The following SNX10 variants were observed in gnomAD, a reference collection of about 807,000 sequenced individuals.
SNX10 encodes the protein sorting nexin 10, also known as sorting nexin-10.
SNX10 carries 25 observed loss-of-function variants against 28.5 expected under a neutral mutation model. The ratio of observed to expected loss-of-function variants is 0.88; its 90% confidence interval spans 0.64 to 1.22. The LOEUF is 1.22. SNX10 is among the 50% of genes most tolerant of loss of function. SNX10 has a pLI of 0.00. For missense variants in SNX10, 223 were observed against 242.6 expected, an observed-to-expected ratio of 0.92 and a Z score of 0.54; for synonymous variants, 62 against 81.4, an observed-to-expected ratio of 0.76 and a Z score of 1.28.
At chr7:26,301,018 CCAAAAAAAAAA>C (rs1318160015) in intron 1 of SNX10, among the ~76,000 whole-genome samples, 2 of 63,912 alleles carry the variant, frequency 3.1e-5, no homozygotes, top group East Asian at 7.4e-4. Flanking sequence ...TACTCTGTCT[CCAAAAAAAAAA>C]AAAAAAAAAA....
intron 1 of SNX10, among the ~76,000 whole-genome samples, chr7:26,299,225 T>G (rs1232225913): frequency 6.6e-6 from 1 of 152,102 alleles, no homozygotes; most frequent in Non-Finnish European, 1.5e-5. Flanking sequence ...AGATGGAGTC[T>G]CGCTCTGTTG....
chr7:26,339,768 C>T (rs12673873), intron 1 of SNX10, among the ~76,000 whole-genome samples: 16,820 of 150,996 alleles, frequency 0.11, 1,041 homozygotes, highest in East Asian at 0.16. Flanking sequence ...GGTGGAGTCT[C>T]GAACTCCTGA....
At chr7:26,372,307 G>A (rs966305717) in intron 6 of SNX10, 184 bp from the exon 7 acceptor site, 21 of 603,928 alleles carry the variant, frequency 3.5e-5, no homozygotes, top group Admixed American at 1.8e-4. Flanking sequence ...TGAATTATTC[G>A]CGTTTAAATT....
intron 1 of SNX10, among the ~76,000 whole-genome samples, chr7:26,307,027 A>C (rs549371879): frequency 2.6e-5 from 4 of 152,316 alleles, no homozygotes; most frequent in African/African-American, 9.6e-5. Context: ...TGCTCACTTT[A>C]GGGGGGCATT....
intron 1 of SNX10, among the ~76,000 whole-genome samples, chr7:26,306,744 A>G (rs922270169): frequency 5.9e-5 from 9 of 152,178 alleles, no homozygotes; most frequent in Non-Finnish European, 2.9e-5. Context: ...ATCATGAGGA[A>G]GGCACCTCAG....
In SNX10 at chr7:26,371,989, T is replaced by G; in HGVS notation, c.480T>G (p.Asp160Glu). ...TGAATAGACGTTTCCCTGAAGAAGA[T>G]GAAGAAGGAAAAAAAGAAAATGATA... Reference protein sequence around the residue: ...ALMNRRFPEEDEEGKKENDID... With the variant: ...ALMNRRFPEEEEEGKKENDID... The change falls in exon 6 of 7, where the codon GAT becomes GAG. Residue 160 changes from aspartate to glutamate, a missense_variant. Coordinates refer to ENST00000338523, the MANE Select transcript of SNX10 (RefSeq NM_013322.3). 6.2e-7 allele frequency: 1 copy of G among 1,612,792 alleles called. No homozygotes were observed. Among genetic ancestry groups the G allele is most frequent in the Non-Finnish European group, 8.5e-7 (1 of 1,179,170 alleles).
intron 1 of SNX10, among the ~76,000 whole-genome samples, chr7:26,293,347 C>T (rs939554458): frequency 2.0e-5 from 3 of 152,066 alleles, no homozygotes; most frequent in Admixed American, 6.6e-5. Flanking sequence ...ACCACAGGTG[C>T]GGGCCACCAC....
At chr7:26,306,252 G>C (rs77153780) in intron 1 of SNX10, among the ~76,000 whole-genome samples, 1,578 of 152,080 alleles carry the variant, frequency 0.01, 26 homozygotes, top group African/African-American at 0.035. Context: ...CTTATCTTAG[G>C]CTTCTTAGAT....
chr7:26,301,349 C>T (rs944557951), intron 1 of SNX10, among the ~76,000 whole-genome samples: 2 of 152,112 alleles, frequency 1.3e-5, no homozygotes, highest in African/African-American at 2.4e-5. Context: ...CTATGTGGTC[C>T]GAATCCCTTA....
chr7:26,332,726 C>A (rs1562800927), intron 1 of SNX10, among the ~76,000 whole-genome samples: 1 of 152,094 alleles, frequency 6.6e-6, no homozygotes, highest in Non-Finnish European at 1.5e-5. Flanking sequence ...GGTATTTGAT[C>A]CATTTTCAGT....
intron 1 of SNX10, among the ~76,000 whole-genome samples, chr7:26,321,182 A>C (rs1400354337): frequency 6.6e-6 from 1 of 152,188 alleles, no homozygotes; most frequent in Non-Finnish European, 1.5e-5. Flanking sequence ...TTCTGTTTCC[A>C]TAAGGTAGGC....
intron 1 of SNX10, among the ~76,000 whole-genome samples, chr7:26,329,853 C>A (rs968552635): frequency 7.2e-5 from 11 of 152,126 alleles, no homozygotes; most frequent in Non-Finnish European, 1.5e-4. Context: ...GATCCAGGTT[C>A]AGGGCCCTGA....
chr7:26,360,859 T>C, intron 2 of SNX10, 116 bp from the exon 3 acceptor site: 1 of 1,514,154 alleles, frequency 6.6e-7, no homozygotes, highest in South Asian at 1.3e-5. Context: ...GGATTACAAG[T>C]ACCACATTGG....
intron 1 of SNX10, among the ~76,000 whole-genome samples, chr7:26,295,773 A>G (rs1786083435): frequency 6.6e-6 from 1 of 152,208 alleles, no homozygotes; most frequent in Non-Finnish European, 1.5e-5. Flanking sequence ...TTGGCATGTG[A>G]TCCTGTTAGC....
intron 2 of SNX10, chr7:26,356,857 G>T (rs1788840873): frequency 5.4e-6 from 1 of 184,538 alleles, no homozygotes; most frequent in African/African-American, 2.3e-5. Flanking sequence ...ATCCTTAGAG[G>T]AAGGGGTTTG....
At chr7:26,305,609 G>A (rs1676181923) in intron 1 of SNX10, among the ~76,000 whole-genome samples, 1 of 152,176 alleles carries the variant, frequency 6.6e-6, no homozygotes. Flanking sequence ...CAGACCCTGA[G>A]AAACTGAGCT....
chr7:26,363,971 C>T (rs767458756), intron 3 of SNX10, among the ~76,000 whole-genome samples: 20 of 152,184 alleles, frequency 1.3e-4, no homozygotes, highest in Non-Finnish European at 2.4e-4. Context: ...CCACGTACCA[C>T]GGTCATTCTC....
At chr7:26,314,323 T>A (rs1437474438) in intron 1 of SNX10, among the ~76,000 whole-genome samples, 1 of 151,648 alleles carries the variant, frequency 6.6e-6, no homozygotes, top group Non-Finnish European at 1.5e-5. Context: ...AGTGGTGGTA[T>A]CTCAGCTCAC....
At chr7:26,309,528 C>T (rs920259791) in intron 1 of SNX10, among the ~76,000 whole-genome samples, 1 of 152,108 alleles carries the variant, frequency 6.6e-6, no homozygotes, top group Non-Finnish European at 1.5e-5. Context: ...AGTGAATGCA[C>T]TGCACTTTTC....
Sources: gnomAD v4.1 joint callset for allele counts (sites outside exome capture counted in the v4.1 genomes callset) on GRCh38, gnomAD v4.1.1 for gene constraint, MANE v1.5 for transcripts, NCBI Gene and HGNC (gene_info 2026-07-23, HGNC 2026-07-21) for gene names.